KRTAP24-1: variants seen among roughly 807,000 people sequenced by gnomAD.
The protein encoded by KRTAP24-1 is keratin associated protein 24-1.
For missense variants in KRTAP24-1, 344 were observed against 303.2 expected, an observed-to-expected ratio of 1.13 and a Z score of -1.00; for synonymous variants, 133 against 116.3, an observed-to-expected ratio of 1.14 and a Z score of -0.92.
rs1361770357 is a variant in KRTAP24-1 at position 30,282,762 on chromosome 21, G to A, written c.171C>T (p.Leu57=). The part of the protein sequence containing the change: ...LPSSYQGNLW[L]LDYCQESYGE... ...CGTAGGATTCTTGGCAGTAATCCAGGAGCCAGAGATTTCCTTGGTAGCTAC... is the reference window on the plus strand; with the variant it reads ...CGTAGGATTCTTGGCAGTAATCCAGAAGCCAGAGATTTCCTTGGTAGCTAC... Residue 57 remains leucine, a synonymous_variant, in exon 1 of 1, where the codon CTC becomes CTT. Transcript: ENST00000340345. 1 of 1,614,114 alleles carries A rather than the reference G, an allele frequency of 6.2e-7. No homozygotes were observed. The highest frequency in any genetic ancestry group is 1.7e-5 in the Admixed American group (1 of 60,022).
Position 30,282,023 on chromosome 21 carries a change from A to T in KRTAP24-1, c.*145T>A. Reference sequence around the variant, plus strand: ...CTAGCAGGTGATACTGGCTGTGGTTAATAAACCTGGGAGTTGTATTTGAAC... The same window carrying T: ...CTAGCAGGTGATACTGGCTGTGGTTTATAAACCTGGGAGTTGTATTTGAAC... On this transcript the variant is annotated 3_prime_UTR_variant, in exon 1 of 1. Coordinates refer to ENST00000340345, the MANE Select transcript of KRTAP24-1 (RefSeq NM_001085455.3). The T allele has an allele frequency of 2.5e-6, 2 of 813,886 alleles. No homozygotes were observed. Among genetic ancestry groups the T allele is most frequent in the African/African-American group, 1.7e-5 (1 of 58,376 alleles). 50.4% of individuals were successfully genotyped at this position (813,886 alleles called of 1,614,324 possible).
rs762136350 is a variant in KRTAP24-1 at position 30,282,316 on chromosome 21, C to A, written c.617G>T (p.Arg206Ile). Reference protein sequence around the residue: ...NSCQPQSYLVRNYHYSSYRPT... With the variant: ...NSCQPQSYLVINYHYSSYRPT... ...CCTGTAGCTTGAATAGTGATAATTTCTCACTAAATAGCTTTGGGGTTGGCA... is the reference window on the plus strand; with the variant it reads ...CCTGTAGCTTGAATAGTGATAATTTATCACTAAATAGCTTTGGGGTTGGCA... The change falls in exon 1 of 1, where the codon AGA (arginine) becomes ATA (isoleucine). Residue 206 changes from arginine (R) to isoleucine (I), a missense_variant. Physicochemically the swap from Arg to Ile is moderately conservative, Grantham distance 97 (BLOSUM62 -3). Transcript: ENST00000340345. 1.2e-6 allele frequency: 2 copies of A among 1,614,092 alleles called. No individual in the cohort carries two copies. Among genetic ancestry groups the A allele is most frequent in the Non-Finnish European group, 1.7e-6 (2 of 1,180,002 alleles).
In KRTAP24-1 at chr21:30,282,427, C is replaced by A. The variant is rs766771480; in HGVS notation, c.506G>T (p.Arg169Ile). 20 of 1,614,030 alleles carry A rather than the reference C, an allele frequency of 1.2e-5. No individual in the cohort carries two copies. The highest frequency in any genetic ancestry group is 1.6e-5 in the Non-Finnish European group (19 of 1,180,026). The change falls in exon 1 of 1, where the codon AGA (arginine) becomes ATA (isoleucine). Residue 169 changes from arginine to isoleucine, a missense_variant. By Grantham distance (97) the Arg-to-Ile change is moderately conservative. Transcript: ENST00000340345. ...GCTTTTATACCCCAAAGTACTCAAT[C>A]TGCAGTGGTTTAGAGTTTGGAAACT... ...SKSFQTLNHC[R>I]LSTLGYKSYQ...
rs769825591 is a variant in KRTAP24-1 at position 30,282,739 on chromosome 21, T to C, written c.194A>G (p.Tyr65Cys). 7.4e-6 allele frequency: 12 copies of C among 1,613,908 alleles called. No individual in the cohort carries two copies. The highest frequency in any genetic ancestry group is 2.7e-5 in the African/African-American group (2 of 74,914). ...LWLLDYCQES[Y>C]GEAPTCKSPS... The stretch of plus-strand genomic sequence containing the variant: ...AGATTTGCAGGTTGGTGCTTCACCG[T>C]AGGATTCTTGGCAGTAATCCAGGAG... Residue 65 changes from tyrosine to cysteine, a missense_variant, in exon 1 of 1, where the codon TAC becomes TGC. Transcript: ENST00000340345.
In KRTAP24-1 at chr21:30,282,638, A is replaced by T. The variant is rs1209956472; in HGVS notation, c.295T>A (p.Ser99Thr). The change falls in exon 1 of 1, where the codon TCA (serine) becomes ACA (threonine). Residue 99 changes from serine to threonine, a missense_variant. By Grantham distance (58) the Ser-to-Thr change is moderately conservative. Coordinates refer to ENST00000340345, the MANE Select transcript of KRTAP24-1 (RefSeq NM_001085455.3). ...SNSSVPCNSP[S>T]AGQVFSVCET... ...CAGACACTGAAGACTTGGCCTGCTGATGGGGAGTTGCAGGGCACAGAGGAG... is the reference window on the plus strand; with the variant it reads ...CAGACACTGAAGACTTGGCCTGCTGTTGGGGAGTTGCAGGGCACAGAGGAG... 6.3e-6 allele frequency: 10 copies of T among 1,591,452 alleles called. No homozygotes were observed. Among genetic ancestry groups the T allele is most frequent in the Non-Finnish European group, 7.7e-6 (9 of 1,168,836 alleles).
Position 30,281,717 on chromosome 21 carries a change from T to C in KRTAP24-1, c.*451A>G, listed in dbSNP as rs1049758038. On this transcript the variant is annotated 3_prime_UTR_variant, in exon 1 of 1. Coordinates refer to ENST00000340345, the MANE Select transcript of KRTAP24-1 (RefSeq NM_001085455.3). The stretch of plus-strand genomic sequence containing the variant: ...TATTAGCAAGGTGCTAGTTAGGTAG[T>C]TGACAAAAATATTAATGACAATCAA... 6.2e-6 allele frequency: 1 copy of C among 161,140 alleles called. No individual in the cohort carries two copies. Among genetic ancestry groups the C allele is most frequent in the African/African-American group, 2.4e-5 (1 of 41,568 alleles). 10.0% of individuals were successfully genotyped at this position (161,140 alleles called of 1,614,324 possible). A position where few individuals can be genotyped will look rare whatever the true frequency, so the allele number is the denominator to read the frequency against.
At position 30,282,275 on chromosome 21, in the gene KRTAP24-1, G is replaced by C; in HGVS notation, c.658C>G (p.Pro220Ala). 2 of 1,614,054 alleles carry C rather than the reference G, an allele frequency of 1.2e-6. No individual in the cohort carries two copies. The highest frequency in any genetic ancestry group is 1.7e-5 in the Admixed American group (1 of 59,976). ...YSSYRPTSCR[P>A]LSYLSRSFRS... ...AAGCTTCTAGATAAATAGCTCAGTG[G>C]TCGGCAGCTCGTAGGCCTGTAGCTT... is the stretch of plus-strand genomic sequence containing the variant. The change falls in exon 1 of 1, where the codon CCA (proline) becomes GCA (alanine). Residue 220 changes from proline to alanine, a missense_variant. Physicochemically the swap from Pro to Ala is conservative, Grantham distance 27. Transcript: ENST00000340345.
rs1174978922 is a variant in KRTAP24-1, at chr21:30,282,459, T to C, written c.474A>G (p.Leu158=). The change falls in exon 1 of 1, where the codon TTA becomes TTG. Residue 158 remains leucine, a synonymous_variant. Coordinates refer to ENST00000340345, the MANE Select transcript of KRTAP24-1 (RefSeq NM_001085455.3). ...GSNCFGQLNC[L]SKSFQTLNHC... ...GGTTTAGAGTTTGGAAACTCTTGGA[T>C]AAGCAGTTAAGTTGTCCAAAGCAGT... is the stretch of plus-strand genomic sequence containing the variant. 10 of 1,614,176 alleles carry C rather than the reference T, an allele frequency of 6.2e-6. No homozygotes were observed. The highest frequency in any genetic ancestry group is 8.5e-6 in the Non-Finnish European group (10 of 1,180,002).
At chr21:30,282,265 T>TA in the KRTAP24-1 span, 1 of 1,614,120 alleles carries the variant, frequency 6.2e-7, no homozygotes, top group Non-Finnish European at 8.5e-7. Context: ...TCTAGATAAA[T>TA]AGCTCAGTGG....
rs202147294 is a variant in KRTAP24-1, at chr21:30,282,844, G to A, written c.89C>T (p.Ser30Phe). 516 of 1,613,898 alleles carry A rather than the reference G, an allele frequency of 3.2e-4. 3 individuals carry two copies. In the Middle Eastern group the frequency reaches 3.5e-3, roughly 11 times the overall value. ...YRTHCYIPVT[S>F]SVTLSSSDLS... ...ATCACTGGAGCTAAGAGTAACAGAA[G>A]AGGTCACTGGGATATAACAGTGAGT... The change falls in exon 1 of 1, where the codon TCT becomes TTT. Residue 30 changes from serine (S) to phenylalanine (F), a missense_variant. Physicochemically the swap from Ser to Phe is radical, Grantham distance 155. Coordinates refer to ENST00000340345, the MANE Select transcript of KRTAP24-1 (RefSeq NM_001085455.3).
Position 30,282,908 on chromosome 21 carries a change from T to C in KRTAP24-1, c.25A>G (p.Thr9Ala). 6.2e-7 allele frequency: 1 copy of C among 1,611,968 alleles called. No individual in the cohort carries two copies. Among genetic ancestry groups the C allele is most frequent in the South Asian group, 1.1e-5 (1 of 90,790 alleles). ...GTACTGCAGACCCCAGGATAGCCTG[T>C]AGTAGACATGGAGCCTGCAGGCATG... Reference protein sequence around the residue: MPAGSMSTTGYPGVCSTTS... With the variant: MPAGSMSTAGYPGVCSTTS... Residue 9 changes from threonine to alanine, a missense_variant, in exon 1 of 1, where the codon ACA (threonine) becomes GCA (alanine). Coordinates refer to ENST00000340345, the MANE Select transcript of KRTAP24-1 (RefSeq NM_001085455.3).
At position 30,281,728 on chromosome 21, in the gene KRTAP24-1, A is replaced by G. The variant is rs886730011; in HGVS notation, c.*440T>C. On this transcript the variant is annotated 3_prime_UTR_variant, in exon 1 of 1. Transcript: ENST00000340345. ...TGCTAGTTAGGTAGTTGACAAAAATATTAATGACAATCAAAGCCATCCGAA... is the reference window on the plus strand; with the variant it reads ...TGCTAGTTAGGTAGTTGACAAAAATGTTAATGACAATCAAAGCCATCCGAA... 1 of 162,944 alleles carries G rather than the reference A, an allele frequency of 6.1e-6. No homozygotes were observed. The highest frequency in any genetic ancestry group is 1.3e-5 in the Non-Finnish European group (1 of 74,796). The allele number at this position is 162,944 out of a possible 1,614,324, so 10.1% of individuals were successfully genotyped here.
Position 30,282,254 on chromosome 21 carries a change from T to C in KRTAP24-1, c.679A>G (p.Ser227Gly), listed in dbSNP as rs373591379. The change falls in exon 1 of 1, where the codon AGC becomes GGC. Residue 227 changes from serine (S) to glycine (G), a missense_variant. Coordinates refer to ENST00000340345, the MANE Select transcript of KRTAP24-1 (RefSeq NM_001085455.3). ...SCRPLSYLSRSFRSLSYIPST... is the reference protein window; with the variant it reads ...SCRPLSYLSRGFRSLSYIPST... Reference sequence around the variant, plus strand: ...GGTATATAGCTCAGAGATCTGAAGCTTCTAGATAAATAGCTCAGTGGTCGG... The same window carrying C: ...GGTATATAGCTCAGAGATCTGAAGCCTCTAGATAAATAGCTCAGTGGTCGG... 2 of 1,614,002 alleles carry C rather than the reference T, an allele frequency of 1.2e-6. No homozygotes were observed. Among genetic ancestry groups the C allele is most frequent in the African/African-American group, 2.7e-5 (2 of 74,922 alleles).
At position 30,282,267 on chromosome 21, in the gene KRTAP24-1, G is replaced by T; in HGVS notation, c.666C>A (p.Ser222Arg). 6.2e-7 allele frequency: 1 copy of T among 1,614,110 alleles called. No homozygotes were observed. Among genetic ancestry groups the T allele is most frequent in the East Asian group, 2.2e-5 (1 of 44,864 alleles). ...GAGATCTGAAGCTTCTAGATAAATA[G>T]CTCAGTGGTCGGCAGCTCGTAGGCC... ...SYRPTSCRPL[S>R]YLSRSFRSLS... Residue 222 changes from serine to arginine, a missense_variant, in exon 1 of 1, where the codon AGC becomes AGA. Physicochemically the swap from Ser to Arg is moderately radical, Grantham distance 110. Transcript: ENST00000340345.
Position 30,282,777 on chromosome 21 carries a change from T to C in KRTAP24-1, c.156A>G (p.Gln52=), listed in dbSNP as rs1568806525. 6.2e-7 allele frequency: 1 copy of C among 1,613,998 alleles called. No homozygotes were observed. The highest frequency in any genetic ancestry group is 1.3e-5 in the African/African-American group (1 of 74,912). ...TFGHCLPSSY[Q]GNLWLLDYCQ... ...AGTAATCCAGGAGCCAGAGATTTCC[T>C]TGGTAGCTACTGGGTAAGCAGTGTC... is the stretch of plus-strand genomic sequence containing the variant. The change falls in exon 1 of 1, where the codon CAA becomes CAG. Residue 52 remains glutamine (Q), a synonymous_variant. Coordinates refer to ENST00000340345, the MANE Select transcript of KRTAP24-1 (RefSeq NM_001085455.3).
rs1980732439 is a variant in KRTAP24-1 at position 30,282,379 on chromosome 21, G to C, written c.554C>G (p.Pro185Arg). The stretch of plus-strand genomic sequence containing the variant: ...ATAACATAATGGTGAGACGTAGCTG[G>C]GTATGAAGCAAGGATTTTGGTAGCT... ...YKSYQNPCFIPSYVSPLCYIS... is the reference protein window; with the variant it reads ...YKSYQNPCFIRSYVSPLCYIS... The change falls in exon 1 of 1, where the codon CCC becomes CGC. Residue 185 changes from proline (P) to arginine (R), a missense_variant. Coordinates refer to ENST00000340345, the MANE Select transcript of KRTAP24-1 (RefSeq NM_001085455.3). 6.2e-7 allele frequency: 1 copy of C among 1,613,996 alleles called. No homozygotes were observed. The highest frequency in any genetic ancestry group is 8.5e-7 in the Non-Finnish European group (1 of 1,180,010).
Position 30,282,305 on chromosome 21 carries a change from A to G in KRTAP24-1, c.628T>C (p.Tyr210His), listed in dbSNP as rs771576563. 3.1e-6 allele frequency: 5 copies of G among 1,614,046 alleles called. No individual in the cohort carries two copies. Among genetic ancestry groups the G allele is most frequent in the Non-Finnish European group, 4.2e-6 (5 of 1,180,016 alleles). Residue 210 changes from tyrosine (Y) to histidine (H), a missense_variant, in exon 1 of 1, where the codon TAT becomes CAT. Coordinates refer to ENST00000340345, the MANE Select transcript of KRTAP24-1 (RefSeq NM_001085455.3). ...CAGCTCGTAGGCCTGTAGCTTGAAT[A>G]GTGATAATTTCTCACTAAATAGCTT... ...PQSYLVRNYH[Y>H]SSYRPTSCRP...
rs924881465 is a variant in KRTAP24-1, at chr21:30,281,382, G to A, written c.*786C>T. The stretch of plus-strand genomic sequence containing the variant: ...AGTCAGAATGCAATAAATTGGCAAG[G>A]CAAGATGATAGGAGAATCCTAAACG... On this transcript the variant is annotated 3_prime_UTR_variant, in exon 1 of 1. Coordinates refer to ENST00000340345, the MANE Select transcript of KRTAP24-1 (RefSeq NM_001085455.3). The A allele has an allele frequency of 6.6e-6, 1 of 152,202 alleles. No individual in the cohort carries two copies. The highest frequency in any genetic ancestry group is 1.5e-5 in the Non-Finnish European group (1 of 68,026). The allele number at this position is 152,202 out of a possible 1,614,324, so 9.4% of individuals were successfully genotyped here. A position where few individuals can be genotyped will look rare whatever the true frequency, so the allele number is the denominator to read the frequency against.
At position 30,282,157 on chromosome 21, in the gene KRTAP24-1, C is replaced by T. The variant is rs747265454; in HGVS notation, c.*11G>A. ...GGGCAATTTCCAGCTGCTATAAATTCTGGAAGTTGGTCAATAGCATTTCAG... is the reference window on the plus strand; with the variant it reads ...GGGCAATTTCCAGCTGCTATAAATTTTGGAAGTTGGTCAATAGCATTTCAG... On this transcript the variant is annotated 3_prime_UTR_variant, in exon 1 of 1. Transcript: ENST00000340345. 6.3e-7 allele frequency: 1 copy of T among 1,597,890 alleles called. No individual in the cohort carries two copies. Among genetic ancestry groups the T allele is most frequent in the Non-Finnish European group, 8.5e-7 (1 of 1,174,292 alleles).
Sources: gnomAD v4.1 joint callset for allele counts on GRCh38, gnomAD v4.1.1 for gene constraint, MANE v1.5 for transcripts, NCBI Gene and HGNC (gene_info 2026-07-23, HGNC 2026-07-21) for gene names.